Variants in PDSS2 observed in about 807,000 individuals in gnomAD.
PDSS2 encodes the protein decaprenyl diphosphate synthase subunit 2, also known as all trans-polyprenyl-diphosphate synthase PDSS2.
PDSS2 carries 31 observed loss-of-function variants against 44.5 expected under a neutral mutation model. The observed-to-expected ratio is 0.70, with a 90% CI of 0.52 to 0.94. The LOEUF is 0.94. Among genes scored for constraint, PDSS2 ranks in the 40% least tolerant of loss-of-function variants. The pLI, the probability that PDSS2 is intolerant of heterozygous loss-of-function variation, is 0.00. For missense variants in PDSS2, 452 were observed against 482.2 expected (o/e 0.94, Z 0.59); for synonymous variants, 157 against 180.3 (o/e 0.87, Z 1.03).
intron 1 of PDSS2, among the ~76,000 whole-genome samples, chr6:107,398,389 A>C (rs2114572701): frequency 6.6e-6 from 1 of 152,356 alleles, no homozygotes; most frequent in East Asian, 1.9e-4. Flanking sequence ...ATTAATGTTC[A>C]CATGTAATGG....
intron 1 of PDSS2, among the ~76,000 whole-genome samples, chr6:107,391,703 G>A (rs971154073): frequency 6.6e-6 from 1 of 152,008 alleles, no homozygotes; most frequent in East Asian, 1.9e-4. Flanking sequence ...TATGTCTAAT[G>A]TATCAATACA....
intron 4 of PDSS2, among the ~76,000 whole-genome samples, chr6:107,238,720 T>C (rs1774315262): frequency 6.6e-6 from 1 of 152,220 alleles, no homozygotes; most frequent in African/African-American, 2.4e-5. Flanking sequence ...GTAAACAGTT[T>C]AGGCACTGCG....
chr6:107,301,019 G>A (rs1776676415), intron 2 of PDSS2, among the ~76,000 whole-genome samples: 1 of 152,098 alleles, frequency 6.6e-6, no homozygotes, highest in Admixed American at 6.5e-5. Context: ...ATTTGTAGAT[G>A]GCACACTTGT....
At chr6:107,317,408 G>C (rs1450824006) in intron 2 of PDSS2, among the ~76,000 whole-genome samples, 1 of 152,180 alleles carries the variant, frequency 6.6e-6, no homozygotes, top group Non-Finnish European at 1.5e-5. Context: ...GCCAGGGAGA[G>C]CCCCAGAGTG....
At chr6:107,431,132 T>C (rs975598589) in intron 1 of PDSS2, among the ~76,000 whole-genome samples, 4 of 152,214 alleles carry the variant, frequency 2.6e-5, no homozygotes, top group African/African-American at 9.6e-5. Context: ...AGTAGTTAAC[T>C]TGCTCAAATA....
At chr6:107,173,593 A>AAT (rs1771683852) in intron 7 of PDSS2, among the ~76,000 whole-genome samples, 1 of 149,998 alleles carries the variant, frequency 6.7e-6, no homozygotes, top group African/African-American at 2.5e-5. Flanking sequence ...AAAAAAAAAA[A>AAT]AAAACGCTTA....
chr6:107,154,635 A>T lies in PDSS2; in HGVS notation c.1184T>A (p.Val395Glu). The T allele has an allele frequency of 1.9e-6, 3 of 1,614,218 alleles. No individual in the cohort carries two copies. The highest frequency in any genetic ancestry group is 1.7e-6 in the Non-Finnish European group (2 of 1,180,010). Reference sequence around the variant, plus strand: ...AATTTGATGTCATGAAAATCTGGTCACAGCAAACACAATGTTTTCTAAAGC... The same window carrying T: ...AATTTGATGTCATGAAAATCTGGTCTCAGCAAACACAATGTTTTCTAAAGC... ...RSALENIVFA[V>E]TRFS is the part of the protein sequence containing the mutation. The change falls in exon 8 of 8, where the codon GTG becomes GAG. Residue 395 changes from valine (V) to glutamate (E), a missense_variant. Physicochemically the swap from Val to Glu is moderately radical, Grantham distance 121. Coordinates refer to ENST00000369037, the MANE Select transcript of PDSS2 (RefSeq NM_020381.4).
At chr6:107,375,034 A>C (rs1422148672) in intron 1 of PDSS2, among the ~76,000 whole-genome samples, 1 of 152,108 alleles carries the variant, frequency 6.6e-6, no homozygotes, top group Non-Finnish European at 1.5e-5. Flanking sequence ...GGGAAATCAG[A>C]AAATGTTATA....
chr6:107,446,523 T>C (rs972134677), intron 1 of PDSS2, among the ~76,000 whole-genome samples: 6 of 152,164 alleles, frequency 3.9e-5, no homozygotes, highest in African/African-American at 4.8e-5. Context: ...TGTAGGTGTA[T>C]AGAGTTCTTT....
intron 1 of PDSS2, among the ~76,000 whole-genome samples, chr6:107,350,920 G>A (rs1197383703): frequency 6.6e-6 from 1 of 152,020 alleles, no homozygotes; most frequent in East Asian, 1.9e-4. Context: ...AATAATAAAG[G>A]CCACAAATAC....
chr6:107,227,396 C>A (rs930014148), intron 4 of PDSS2, among the ~76,000 whole-genome samples: 2 of 148,674 alleles, frequency 1.3e-5, no homozygotes, highest in Admixed American at 1.4e-4. Context: ...TCAAGCGATT[C>A]TCGTGCCTCA....
intron 1 of PDSS2, among the ~76,000 whole-genome samples, chr6:107,358,931 T>G (rs192427261): frequency 1.3e-5 from 2 of 152,192 alleles, no homozygotes; most frequent in Admixed American, 1.3e-4. Flanking sequence ...GACTACTATC[T>G]TTTGATTTTC....
intron 1 of PDSS2, among the ~76,000 whole-genome samples, chr6:107,445,243 A>G (rs1781635197): frequency 6.6e-6 from 1 of 151,978 alleles, no homozygotes; most frequent in African/African-American, 2.4e-5. Context: ...GGAAACAGTA[A>G]TAAAACCATT....
chr6:107,276,534 T>A (rs1775790138), intron 2 of PDSS2, among the ~76,000 whole-genome samples: 1 of 152,190 alleles, frequency 6.6e-6, no homozygotes, highest in Non-Finnish European at 1.5e-5. Context: ...TCAGGGACTC[T>A]GAGCTTGATG....
rs1301517382 is a variant in PDSS2, at chr6:107,459,378, A to T, written c.-93T>A. 1 of 1,042,060 alleles carries T rather than the reference A, an allele frequency of 9.6e-7. No individual in the cohort carries two copies. Among genetic ancestry groups the T allele is most frequent in the Non-Finnish European group, 1.4e-6 (1 of 690,768 alleles). The allele number at this position is 1,042,060 out of a possible 1,614,324, so 64.6% of individuals were successfully genotyped here. ...AGAGGAGGAACTTACAGTAACTAAA[A>T]GGAAGCGGCAATTCTTGACCCTCAG... On this transcript the variant is annotated 5_prime_UTR_variant, in exon 1 of 8. Transcript: ENST00000369037. This position sits in a 1 kb window ranked among gnomAD's most constrained non-coding sequence, Gnocchi z 4.3.
At chr6:107,210,986 T>G (rs961012328) in intron 5 of PDSS2, among the ~76,000 whole-genome samples, 2 of 137,144 alleles carry the variant, frequency 1.5e-5, no homozygotes, top group African/African-American at 2.7e-5. Flanking sequence ...AGAGCAAAAC[T>G]CCGTCTCAAA....
In PDSS2 at chr6:107,357,724, TA is replaced by T. The variant is rs571369493; in HGVS notation, c.297-23393del. ...TTTTGAAAAACTGAGTGGCAACCGT[TA>T]TTCTCTGGCAATTTTTTACTGTTTC... On this transcript the variant is annotated intron_variant, in intron 1 of 7. Transcript: ENST00000369037. 1.1e-3 allele frequency among the ~76,000 whole-genome samples: 173 copies of T among 152,296 alleles called. 2 individuals are homozygous for T. Among genetic ancestry groups the T allele is most frequent in the Middle Eastern group, 6.8e-3 (2 of 294 alleles).
intron 1 of PDSS2, among the ~76,000 whole-genome samples, chr6:107,401,472 C>A (rs1780103773): frequency 6.6e-6 from 1 of 152,112 alleles, no homozygotes; most frequent in South Asian, 2.1e-4. Flanking sequence ...ACTGTTACCC[C>A]AGATGTGAAG....
At chr6:107,309,596 G>T (rs1244639917) in intron 2 of PDSS2, among the ~76,000 whole-genome samples, 3 of 152,180 alleles carry the variant, frequency 2.0e-5, no homozygotes, top group Non-Finnish European at 4.4e-5. Flanking sequence ...TGCTGGTGAA[G>T]CCCTGGTGCC....
Sources: allele counts gnomAD v4.1 joint callset (sites outside exome capture counted in the v4.1 genomes callset), GRCh38; gene constraint gnomAD v4.1.1; non-coding constraint Gnocchi (gnomAD v3.1); transcripts MANE v1.5; gene names NCBI Gene and HGNC (gene_info 2026-07-23, HGNC 2026-07-21).